Variants in ADGRL2 observed in about 807,000 individuals in gnomAD.
ADGRL2 encodes the protein calcium-independent alpha-latrotoxin receptor 2.
In ADGRL2, 44 loss-of-function variants were observed where a neutral mutation model predicts 157.4. That is an observed-to-expected ratio of 0.28 (90% CI 0.22 to 0.36). The LOEUF (loss-of-function observed/expected upper bound fraction) is 0.36. Among genes scored for constraint, ADGRL2 ranks in the 10% least tolerant of loss-of-function variants. The pLI, the probability that ADGRL2 is intolerant of heterozygous loss-of-function variation, is 1.00. For missense variants in ADGRL2, 1,510 were observed against 1,768.9 expected, an observed-to-expected ratio of 0.85 and a Z score of 2.63; for synonymous variants, 585 against 624.7, an observed-to-expected ratio of 0.94 and a Z score of 0.95.
intron 2 of ADGRL2, among the ~76,000 whole-genome samples, chr1:81,787,053 C>A (rs924395246): frequency 6.0e-5 from 9 of 149,106 alleles, no homozygotes; most frequent in African/African-American, 2.2e-4. Context: ...ATGGTTTTAC[C>A]AGGGGTTTCT....
rs1011282010 is a variant in ADGRL2 at position 81,853,021 on chromosome 1, G to C, written c.73+15964G>C. Among the ~76,000 whole-genome samples the C allele has an allele frequency of 2.6e-5, 4 of 152,130 alleles. 1 individual carries two copies. Among genetic ancestry groups the C allele is most frequent in the Non-Finnish European group, 5.9e-5 (4 of 68,030 alleles). Reference sequence around the variant, plus strand: ...GTCATTCCAAGAGCGAAGAGGCAGAGGCAGCTGGTCCAGAGGAGAGGCTCT... The same window carrying C: ...GTCATTCCAAGAGCGAAGAGGCAGACGCAGCTGGTCCAGAGGAGAGGCTCT... On this transcript the variant is annotated intron_variant, in intron 2 of 23. Coordinates refer to ENST00000686636, the MANE Select transcript of ADGRL2 (RefSeq NM_001366006.2).
chr1:81,893,503 T>A (rs2094316128), intron 2 of ADGRL2, among the ~76,000 whole-genome samples: 1 of 152,186 alleles, frequency 6.6e-6, no homozygotes, highest in African/African-American at 2.4e-5. Flanking sequence ...AGGATTCCTA[T>A]GAGCCTTTTT....
rs72715729 is a variant in ADGRL2, at chr1:81,721,749, C to T, written c.-143+21941C>T. On this transcript the variant is annotated intron_variant, in intron 1 of 20. Coordinates refer to the ADGRL2 transcript ENST00000359929. ...CTTGTGAAAATGTGTAAGCAGGATCCGAGCATTCTGCACACCGAGGAAATG... is the reference window on the plus strand; with the variant it reads ...CTTGTGAAAATGTGTAAGCAGGATCTGAGCATTCTGCACACCGAGGAAATG... The T allele has an allele frequency of 2.4e-3, 3,369 of 1,424,266 alleles. 14 individuals carry two copies. The highest frequency in any genetic ancestry group is 2.0e-3 in the Non-Finnish European group (2,067 of 1,025,560). The allele number at this position is 1,424,266 out of a possible 1,614,324, so 88.2% of individuals were successfully genotyped here.
chr1:81,424,931 C>T (rs1027208268), intron 1 of ADGRL2, among the ~76,000 whole-genome samples: 5 of 152,144 alleles, frequency 3.3e-5, no homozygotes, highest in African/African-American at 7.2e-5. Flanking sequence ...TTTGAAGACC[C>T]GCTATGGAGC....
At chr1:81,711,700 T>G (rs937386016) in intron 1 of ADGRL2, among the ~76,000 whole-genome samples, 4 of 152,192 alleles carry the variant, frequency 2.6e-5, no homozygotes, top group African/African-American at 9.7e-5. Context: ...GTTAGCAGTT[T>G]TATACACCAG....
chr1:81,505,825 T>C (rs75238905), intron 2 of ADGRL2, among the ~76,000 whole-genome samples: 2,934 of 152,130 alleles, frequency 0.019, 96 homozygotes, highest in African/African-American at 0.067. Context: ...AGCACGTTTT[T>C]ACTTTCTGAT....
chr1:81,926,081 A>C (rs1363855455), intron 3 of ADGRL2, among the ~76,000 whole-genome samples: 5 of 152,016 alleles, frequency 3.3e-5, no homozygotes, highest in African/African-American at 4.8e-5. Context: ...CAGACCAGAA[A>C]AGCCATTTGT....
chr1:81,446,939 C>T (rs894111325), intron 2 of ADGRL2, among the ~76,000 whole-genome samples: 1 of 151,986 alleles, frequency 6.6e-6, no homozygotes, highest in Admixed American at 6.6e-5. Context: ...TGGAAAATGG[C>T]ATGTTAAAGT....
chr1:81,739,126 A>G (rs993781128), intron 1 of ADGRL2, among the ~76,000 whole-genome samples: 18 of 152,220 alleles, frequency 1.2e-4, no homozygotes, highest in Admixed American at 5.9e-4. Context: ...GCAGAAAACA[A>G]AACAAAACAA....
At chr1:81,871,320 A>T (rs1571820614) in intron 2 of ADGRL2, among the ~76,000 whole-genome samples, 1 of 151,974 alleles carries the variant, frequency 6.6e-6, no homozygotes, top group Non-Finnish European at 1.5e-5. Flanking sequence ...ACATTTTCTT[A>T]ATCCAGTCTA....
At chr1:81,593,756 G>A (rs1048254292) in intron 3 of ADGRL2, among the ~76,000 whole-genome samples, 3 of 152,188 alleles carry the variant, frequency 2.0e-5, no homozygotes, top group Admixed American at 2.0e-4. Flanking sequence ...TCCTTCTGTA[G>A]ACAAACAGTT....
intron 1 of ADGRL2, among the ~76,000 whole-genome samples, chr1:81,353,193 CCA>C: frequency 6.7e-6 from 1 of 149,404 alleles, no homozygotes; most frequent in Non-Finnish European, 1.5e-5. Flanking sequence ...TAGGCACTTC[CCA>C]TACTGCCTGA....
At chr1:81,543,942 T>C (rs2079951939) in intron 2 of ADGRL2, among the ~76,000 whole-genome samples, 1 of 152,188 alleles carries the variant, frequency 6.6e-6, no homozygotes, top group African/African-American at 2.4e-5. Context: ...CCGGGTGTTC[T>C]GTCTGCTTGG....
At chr1:81,885,107 T>C (rs955839236) in intron 2 of ADGRL2, among the ~76,000 whole-genome samples, 1 of 152,182 alleles carries the variant, frequency 6.6e-6, no homozygotes, top group South Asian at 2.1e-4. Context: ...ATAATAGTTA[T>C]TATTTGAAAA....
At chr1:81,400,902 A>G (rs1034386125) in intron 1 of ADGRL2, among the ~76,000 whole-genome samples, 1 of 152,042 alleles carries the variant, frequency 6.6e-6, no homozygotes, top group South Asian at 2.1e-4. Context: ...TTTCCCAGGG[A>G]TGTGAGGTAC....
intron 1 of ADGRL2, among the ~76,000 whole-genome samples, chr1:81,330,756 A>G (rs1661217248): frequency 6.6e-6 from 1 of 152,180 alleles, no homozygotes; most frequent in African/African-American, 2.4e-5. Flanking sequence ...TCCTGGAAAG[A>G]AGTGTTTCAC....
chr1:81,775,854 A>C (rs143528207), intron 2 of ADGRL2, among the ~76,000 whole-genome samples: 1 of 152,312 alleles, frequency 6.6e-6, no homozygotes. Context: ...TTCTAAATGT[A>C]TACATTCATG....
intron 1 of ADGRL2, among the ~76,000 whole-genome samples, chr1:81,826,749 G>T (rs2091518038): frequency 6.6e-6 from 1 of 152,004 alleles, no homozygotes; most frequent in African/African-American, 2.4e-5. Flanking sequence ...AAGTCATTTT[G>T]TGTTATCTGT....
At chr1:81,502,474 G>A in intron 2 of ADGRL2, 3 of 1,614,040 alleles carry the variant, frequency 1.9e-6, no homozygotes, top group South Asian at 2.2e-5. Context: ...TTATGCAGAA[G>A]AGGCGGACCC....
Sources: gnomAD v4.1 joint callset for allele counts (sites outside exome capture counted in the v4.1 genomes callset) on GRCh38, gnomAD v4.1.1 for gene constraint, MANE v1.5 for transcripts, NCBI Gene and HGNC (gene_info 2026-07-23, HGNC 2026-07-21) for gene names.